Variants in DTD2 observed in about 807,000 individuals in gnomAD.
The protein encoded by DTD2 is D-tyrosyl-tRNA deacylase 2 (putative).
DTD2 carries 12 observed loss-of-function variants against 15.5 expected under a neutral mutation model. The observed-to-expected ratio is 0.77, with a 90% confidence interval of 0.50 to 1.25. The LOEUF (loss-of-function observed/expected upper bound fraction) is 1.25, where lower values mean the gene tolerates loss of function less well. Among genes scored for constraint, DTD2 ranks in the 50% most tolerant of loss-of-function variants. The probability of loss-of-function intolerance (pLI) is 0.00; values close to 1 mark genes in which losing one functional copy is unlikely to be tolerated. For missense variants in DTD2, 170 were observed against 201.1 expected (o/e 0.85, Z 0.93); for synonymous variants, 59 against 77.3 (o/e 0.76, Z 1.24).
intron 1 of DTD2, 133 bp from the exon 2 acceptor site, chr14:31,453,477 A>T (rs1193666581): frequency 4.9e-5 from 34 of 690,564 alleles, no homozygotes; most frequent in African/African-American, 7.2e-5. Context: ...ACTTTACAAA[A>T]GATTTCTCAT....
chr14:31,450,878 A>G (rs896949429), intron 2 of DTD2, among the ~76,000 whole-genome samples: 1 of 152,252 alleles, frequency 6.6e-6, no homozygotes, highest in Non-Finnish European at 1.5e-5. Context: ...CTATAAAATA[A>G]CATGTGGTTT....
At chr14:31,451,871 T>C (rs537457449) in intron 2 of DTD2, among the ~76,000 whole-genome samples, 60 of 152,334 alleles carry the variant, frequency 3.9e-4, no homozygotes, top group African/African-American at 1.4e-3. Flanking sequence ...GTATGTATGT[T>C]TGTTTGTGGA....
Position 31,448,184 on chromosome 14 carries a change from C to T in DTD2, c.452G>A (p.Arg151Lys), listed in dbSNP as rs1260522130. The change falls in exon 3 of 3, where the codon AGG becomes AAG. Residue 151 changes from arginine to lysine, a missense_variant. Arg to Lys is a conservative substitution (Grantham distance 26). Coordinates refer to ENST00000310850, the MANE Select transcript of DTD2 (RefSeq NM_080664.3). ...GTTGGTGTCCAGCTTTAACACCTGC[C>T]TGTTCCCATAAGTGCCATGTTCCAC... ...VVVEHGTYGN[R>K]QVLKLDTNGP... is the part of the protein sequence containing the mutation. 6.2e-7 allele frequency: 1 copy of T among 1,614,164 alleles called. No homozygotes were observed. The highest frequency in any genetic ancestry group is 1.7e-5 in the Admixed American group (1 of 60,020).
chr14:31,455,707 G>A (rs59682668), intron 1 of DTD2, among the ~76,000 whole-genome samples: 3 of 151,140 alleles, frequency 2.0e-5, no homozygotes, highest in Admixed American at 1.3e-4. Flanking sequence ...TCAGCCTCCC[G>A]AGTAGCTGGG....
Position 31,457,278 on chromosome 14 carries a change from G to A in DTD2, c.111+5C>T, listed in dbSNP as rs752702220. 7.0e-6 allele frequency: 10 copies of A among 1,428,270 alleles called. No homozygotes were observed. Among genetic ancestry groups the A allele is most frequent in the South Asian group, 1.2e-5 (1 of 81,890 alleles). 88.5% of individuals were successfully genotyped at this position (1,428,270 alleles called of 1,614,324 possible). On this transcript the variant is annotated splice_donor_5th_base_variant and intron_variant, in intron 1 of 2. Coordinates refer to ENST00000310850, the MANE Select transcript of DTD2 (RefSeq NM_080664.3). ...GGATAACGAGAGCTGCCGGGCTGAC[G>A]TTACCTCCACCCACTGGGCCGCGAC...
Position 31,447,819 on chromosome 14 carries a change from CAA to C in DTD2, c.*308_*309del. 1 of 188,660 alleles carries C rather than the reference CAA, an allele frequency of 5.3e-6. No homozygotes were observed. Among genetic ancestry groups the C allele is most frequent in the Non-Finnish European group, 1.0e-5 (1 of 95,600 alleles). 11.7% of individuals were successfully genotyped at this position (188,660 alleles called of 1,614,324 possible). Reference sequence around the variant, plus strand: ...CTGGCGACAGAGCAAGACTCCATCTCAAAAAAAAAACAAAAACAAAAAAACAA... The same window carrying C: ...CTGGCGACAGAGCAAGACTCCATCTCAAAAAAAACAAAAACAAAAAAACAA... On this transcript the variant is annotated 3_prime_UTR_variant, in exon 3 of 3. Transcript: ENST00000310850.
At chr14:31,449,008 C>T (rs1305632792) in intron 2 of DTD2, among the ~76,000 whole-genome samples, 1 of 152,210 alleles carries the variant, frequency 6.6e-6, no homozygotes, top group Non-Finnish European at 1.5e-5. Context: ...ATTCTCCTGC[C>T]TCAGCCTCCC....
intron 2 of DTD2, among the ~76,000 whole-genome samples, chr14:31,449,220 A>C (rs1477766462): frequency 6.6e-6 from 1 of 152,208 alleles, no homozygotes; most frequent in African/African-American, 2.4e-5. Context: ...GGAATATCAA[A>C]TAACAATTTT....
At chr14:31,448,687 C>A (rs2031992572) in intron 2 of DTD2, among the ~76,000 whole-genome samples, 1 of 152,142 alleles carries the variant, frequency 6.6e-6, no homozygotes, top group Admixed American at 6.5e-5. Flanking sequence ...TCTGAATTGG[C>A]AGTTAAGATA....
rs754501876 is a variant in DTD2 at position 31,448,459 on chromosome 14, G to T, written c.182-5C>A. The T allele has an allele frequency of 7.0e-6, 11 of 1,577,612 alleles. No homozygotes were observed. The Admixed American group carries it at 1.3e-4, about 19-fold the overall frequency. ...TCACATTTAACAGTGTATTAACTGG[G>T]TGAGGAAGAAAGGCAAAACATTTTA... On this transcript the variant is annotated splice_region_variant and splice_polypyrimidine_tract_variant and intron_variant, in intron 2 of 2. Coordinates refer to ENST00000310850, the MANE Select transcript of DTD2 (RefSeq NM_080664.3).
intron 1 of DTD2, among the ~76,000 whole-genome samples, chr14:31,456,421 AAAAAT>A (rs1279682562): frequency 6.6e-6 from 1 of 151,702 alleles, no homozygotes; most frequent in African/African-American, 2.4e-5. Context: ...ATAAAATATA[AAAAAT>A]AAAATAAATG....
chr14:31,453,423 A>G (rs1418778002), intron 1 of DTD2, 79 bp from the exon 2 acceptor site: 8 of 1,225,030 alleles, frequency 6.5e-6, no homozygotes, highest in African/African-American at 3.0e-5. Context: ...CAGTTTCACA[A>G]CTATTAATAT....
At chr14:31,454,920 C>A (rs113476274) in intron 1 of DTD2, among the ~76,000 whole-genome samples, 66 of 152,248 alleles carry the variant, frequency 4.3e-4, no homozygotes, top group African/African-American at 1.4e-3. Flanking sequence ...ACCTTCAAAT[C>A]TTGACAATTA....
intron 2 of DTD2, 71 bp downstream of exon 2, chr14:31,453,204 G>A: frequency 6.7e-7 from 1 of 1,493,352 alleles, no homozygotes; most frequent in Non-Finnish European, 9.3e-7. Flanking sequence ...CTCCCAACGT[G>A]TTGGGATTAC....
intron 1 of DTD2, among the ~76,000 whole-genome samples, chr14:31,454,665 C>T (rs938263454): frequency 6.6e-6 from 1 of 152,226 alleles, no homozygotes; most frequent in Admixed American, 6.5e-5. Context: ...CCTGTTCTTT[C>T]CACTAACATT....
intron 1 of DTD2, 36 bp downstream of exon 1, chr14:31,457,247 G>T: frequency 6.5e-7 from 1 of 1,530,854 alleles, no homozygotes. Flanking sequence ...CGCCCCGCAC[G>T]CCGGAGGATA....
intron 1 of DTD2, among the ~76,000 whole-genome samples, chr14:31,454,020 G>A (rs2032069436): frequency 6.6e-6 from 1 of 152,196 alleles, no homozygotes; most frequent in Non-Finnish European, 1.5e-5. Flanking sequence ...CTTAGATCTT[G>A]TAGGACAGAG....
chr14:31,455,137 AAAAT>A (rs1172678011), intron 1 of DTD2, among the ~76,000 whole-genome samples: 3 of 152,226 alleles, frequency 2.0e-5, no homozygotes, highest in African/African-American at 7.2e-5. Context: ...TGCCAGCAAT[AAAAT>A]ACATGTGATT....
At position 31,453,338 on chromosome 14, in the gene DTD2, T is replaced by C. The variant is rs763855647; in HGVS notation, c.118A>G (p.Arg40Gly). Residue 40 changes from arginine to glycine, a missense_variant, in exon 2 of 3, where the codon AGA becomes GGA. Coordinates refer to ENST00000310850, the MANE Select transcript of DTD2 (RefSeq NM_080664.3). ...DVAAQWVEVQ[R>G]GLVIYVCFFK... ...AAGCACACGTAGATCACCAGTCCTC[T>C]TTGGACCTATGAGAAATCACCACAG... 1 of 1,613,862 alleles carries C rather than the reference T, an allele frequency of 6.2e-7. No individual in the cohort carries two copies. The highest frequency in any genetic ancestry group is 1.3e-5 in the African/African-American group (1 of 74,926).
Sources: gnomAD v4.1 joint callset for allele counts (sites outside exome capture counted in the v4.1 genomes callset) on GRCh38, gnomAD v4.1.1 for gene constraint, MANE v1.5 for transcripts, NCBI Gene and HGNC (gene_info 2026-07-23, HGNC 2026-07-21) for gene names.